The following FGD4 variants were observed in gnomAD, a reference collection of about 807,000 sequenced individuals.
FGD4 encodes the protein FYVE, RhoGEF and PH domain-containing protein 4.
Under a neutral mutation model 102.0 loss-of-function variants are expected in FGD4, and 42 were observed. The observed-to-expected ratio is 0.41, with a 90% confidence interval of 0.32 to 0.53. FGD4 has a LOEUF of 0.53. FGD4 is among the 20% of genes least tolerant of loss of function. The pLI is 0.21. For missense variants in FGD4, 902 were observed against 1,078.2 expected, an observed-to-expected ratio of 0.84 and a Z score of 2.29; for synonymous variants, 380 against 375.7, an observed-to-expected ratio of 1.01 and a Z score of -0.13.
rs115383807 is a variant in FGD4, at chr12:32,625,116, G to A, written c.2046+48G>A. 1.8e-3 allele frequency: 2,695 copies of A among 1,473,484 alleles called. 41 individuals are homozygous for A. In the African/African-American group the frequency reaches 0.033, roughly 18 times the overall value. 91.3% of individuals were successfully genotyped at this position (1,473,484 alleles called of 1,614,324 possible). A position where few individuals can be genotyped will look rare whatever the true frequency, so the allele number is the denominator to read the frequency against. On this transcript the variant is annotated intron_variant, in intron 13 of 16. Coordinates refer to ENST00000534526, the MANE Select transcript of FGD4 (RefSeq NM_001370298.3). ...CTTCAACCTCTTTCATATCTTTGCA[G>A]GTGTAGAAGATCTGTCTAATCATTT... is the stretch of plus-strand genomic sequence containing the variant.
At chr12:32,600,157 C>A (rs967498945) in intron 5 of FGD4, among the ~76,000 whole-genome samples, 1 of 152,218 alleles carries the variant, frequency 6.6e-6, no homozygotes, top group Non-Finnish European at 1.5e-5. Context: ...TCACCATAAG[C>A]CAAAATCAAA....
At chr12:32,593,846 A>C (rs1947667753) in intron 4 of FGD4, among the ~76,000 whole-genome samples, 1 of 152,238 alleles carries the variant, frequency 6.6e-6, no homozygotes, top group Non-Finnish European at 1.5e-5. Context: ...TATCAGAATA[A>C]AACCAAGGTC....
At chr12:32,592,372 A>G (rs552330569) in intron 4 of FGD4, among the ~76,000 whole-genome samples, 2 of 152,172 alleles carry the variant, frequency 1.3e-5, no homozygotes, top group African/African-American at 4.8e-5. Flanking sequence ...ACTATAAATT[A>G]TATTTTAATC....
At position 32,640,996 on chromosome 12, in the gene FGD4, A is replaced by C. The variant is rs1257946635; in HGVS notation, c.*463A>C. 4.0e-5 allele frequency: 7 copies of C among 175,630 alleles called. No individual in the cohort carries two copies. The highest frequency in any genetic ancestry group is 8.4e-5 in the Non-Finnish European group (7 of 83,006). The allele number at this position is 175,630 out of a possible 1,614,324, so 10.9% of individuals were successfully genotyped here. A position where few individuals can be genotyped will look rare whatever the true frequency, so the allele number is the denominator to read the frequency against. On this transcript the variant is annotated 3_prime_UTR_variant, in exon 17 of 17. Transcript: ENST00000534526. ...TATTAACTTATTTAATTTAGTTTAT[A>C]AATCTCTAGCTGCATAAATGATGTC...
At chr12:32,615,658 G>T (rs1949407516) in intron 10 of FGD4, among the ~76,000 whole-genome samples, 1 of 151,932 alleles carries the variant, frequency 6.6e-6, no homozygotes, top group Non-Finnish European at 1.5e-5. Flanking sequence ...GGTGGGGTGG[G>T]GGTGTGGCAT....
At chr12:32,576,503 G>C in intron 3 of FGD4, 54 bp downstream of exon 3, 2 of 1,580,216 alleles carry the variant, frequency 1.3e-6, no homozygotes, top group African/African-American at 2.7e-5. Flanking sequence ...GCTGATTTTC[G>C]AAAAAATGAT....
At chr12:32,409,902 A>T (rs955792969) in intron 1 of FGD4, among the ~76,000 whole-genome samples, 2 of 151,974 alleles carry the variant, frequency 1.3e-5, no homozygotes, top group Non-Finnish European at 2.9e-5. Context: ...GCAGTAGCTC[A>T]CATCTGTAAA....
intron 1 of FGD4, among the ~76,000 whole-genome samples, chr12:32,440,395 T>C (rs1942390523): frequency 6.6e-6 from 1 of 152,232 alleles, no homozygotes; most frequent in Admixed American, 6.5e-5. Context: ...TCTTGCAGAC[T>C]CATAGAGGTA....
chr12:32,634,559 T>C (rs2137033119), intron 15 of FGD4, among the ~76,000 whole-genome samples: 1 of 152,120 alleles, frequency 6.6e-6, no homozygotes, highest in African/African-American at 2.4e-5. Flanking sequence ...TCTAGAGATA[T>C]TAACAATATA....
At position 32,399,948 on chromosome 12, in the gene FGD4, CAG is replaced by C. The variant is rs1565717273; in HGVS notation, c.156_157del (p.Gly53SerfsTer27). On this transcript the variant is annotated frameshift_variant, in exon 1 of 17. Coordinates refer to ENST00000534526, the MANE Select transcript of FGD4 (RefSeq NM_001370298.3). LOFTEE classifies it high-confidence loss of function. The stretch of plus-strand genomic sequence containing the variant: ...GCTGCCTTCAAGGGCCAGGTGCCCT[CAG>C]GAGCCACAGGTAAGCGCCTCGGGGC... 1 of 1,484,186 alleles carries C rather than the reference CAG, an allele frequency of 6.7e-7. No homozygotes were observed. The highest frequency in any genetic ancestry group is 2.7e-5 in the East Asian group (1 of 36,690). The allele number at this position is 1,484,186 out of a possible 1,614,324, so 91.9% of individuals were successfully genotyped here.
intron 2 of FGD4, among the ~76,000 whole-genome samples, chr12:32,570,381 C>T (rs1348222995): frequency 6.6e-6 from 1 of 151,592 alleles, no homozygotes; most frequent in East Asian, 1.9e-4. Flanking sequence ...CTGTCTATAT[C>T]CTTTGGACTG....
Position 32,458,659 on chromosome 12 carries a change from C to G in FGD4, c.166+58700C>G, listed in dbSNP as rs373784610. ...CCATCGCCCATAACAATTATTGGAA[C>G]TAGTGATTTGGTCCAGTAATCTCTT... On this transcript the variant is annotated intron_variant, in intron 1 of 16. Transcript: ENST00000534526. 8.5e-5 allele frequency among the ~76,000 whole-genome samples: 13 copies of G among 152,268 alleles called. 1 individual carries two copies. The highest frequency in any genetic ancestry group is 2.9e-4 in the African/African-American group (12 of 41,548).
chr12:32,563,101 C>CG (rs905475717), intron 1 of FGD4, among the ~76,000 whole-genome samples: 1 of 150,390 alleles, frequency 6.6e-6, no homozygotes, highest in African/African-American at 2.4e-5. Context: ...GCTGACCCCC[C>CG]CCACCTCCCT....
At chr12:32,427,000 T>A (rs1009917109) in intron 1 of FGD4, among the ~76,000 whole-genome samples, 1 of 151,866 alleles carries the variant, frequency 6.6e-6, no homozygotes, top group Non-Finnish European at 1.5e-5. Flanking sequence ...GTTAATCTTT[T>A]AAAAAAAACC....
At chr12:32,452,722 C>T (rs1489934093) in intron 1 of FGD4, among the ~76,000 whole-genome samples, 1 of 152,146 alleles carries the variant, frequency 6.6e-6, no homozygotes, top group Non-Finnish European at 1.5e-5. Context: ...CAGTGGCTCA[C>T]GTCTGTAATC....
chr12:32,570,240 CA>C (rs150913094), intron 2 of FGD4, among the ~76,000 whole-genome samples: 741 of 67,586 alleles, frequency 0.011, 2 homozygotes, highest in African/African-American at 0.028. Context: ...GACGCTGTCT[CA>C]AAAAAAAAAA....
intron 1 of FGD4, among the ~76,000 whole-genome samples, chr12:32,441,982 G>A (rs567194326): frequency 1.3e-5 from 2 of 151,612 alleles, no homozygotes; most frequent in East Asian, 1.9e-4. Flanking sequence ...TGCTCTTCAC[G>A]CCATGCTGCT....
intron 5 of FGD4, 26 bp from the exon 6 acceptor site, chr12:32,601,252 A>G: frequency 6.2e-7 from 1 of 1,608,662 alleles, no homozygotes. Context: ...AATGTGAAGT[A>G]ATGCTTACAT....
intron 1 of FGD4, among the ~76,000 whole-genome samples, chr12:32,464,788 A>T (rs1224537949): frequency 4.6e-5 from 7 of 152,220 alleles, no homozygotes; most frequent in African/African-American, 1.7e-4. Context: ...AGCAAGTGTA[A>T]TGTGACTTAC....
Sources: allele counts gnomAD v4.1 joint callset (sites outside exome capture counted in the v4.1 genomes callset), GRCh38; gene constraint gnomAD v4.1.1; transcripts MANE v1.5; gene names NCBI Gene and HGNC (gene_info 2026-07-23, HGNC 2026-07-21).